CLVS2: variants seen among roughly 807,000 people sequenced by gnomAD.
CLVS2 encodes the protein clavesin 2.
A neutral mutation model predicts 29.0 loss-of-function variants in CLVS2; 19 were observed. The observed-to-expected ratio is 0.66, with a 90% CI of 0.46 to 0.96. The LOEUF (loss-of-function observed/expected upper bound fraction) is 0.96, where lower values mean the gene tolerates loss of function less well. Ranked by LOEUF, CLVS2 falls within the 40% of genes least tolerant of loss-of-function variation. CLVS2 has a pLI of 0.00. For synonymous variants in CLVS2, 161 were observed against 151.3 expected, an observed-to-expected ratio of 1.06 and a Z score of -0.47; for missense variants, 294 against 404.1, an observed-to-expected ratio of 0.73 and a Z score of 2.34.
intron 3 of CLVS2, among the ~76,000 whole-genome samples, chr6:123,012,499 TA>T (rs201411335): frequency 8.7e-5 from 13 of 148,898 alleles, no homozygotes; most frequent in South Asian, 4.3e-4. Flanking sequence ...CCCAAGAAAT[TA>T]AAAAAAAAAC....
chr6:123,044,106 G>C (rs1775273487), intron 3 of CLVS2, among the ~76,000 whole-genome samples: 1 of 152,146 alleles, frequency 6.6e-6, no homozygotes, highest in Non-Finnish European at 1.5e-5. Flanking sequence ...AGTGGAAGCA[G>C]GTGAATTGGC....
chr6:123,011,162 A>G lies in CLVS2; in HGVS notation c.564+3A>G. The G allele has an allele frequency of 6.4e-7, 1 of 1,552,472 alleles. No individual in the cohort carries two copies. The highest frequency in any genetic ancestry group is 8.7e-7 in the Non-Finnish European group (1 of 1,144,762). On this transcript the variant is annotated splice_donor_region_variant and intron_variant, in intron 3 of 5. Coordinates refer to ENST00000275162, the MANE Select transcript of CLVS2 (RefSeq NM_001010852.4). ...GATTAGCTATTGAAGGCCTGCAGGT[A>G]GGATATGGAAATTACCTACTTCCTT...
intron 2 of CLVS2, 78 bp downstream of exon 2, chr6:122,998,244 T>G (rs1251314983): frequency 2.1e-6 from 3 of 1,461,388 alleles, no homozygotes; most frequent in Non-Finnish European, 2.7e-6. Flanking sequence ...TGTCATGGTT[T>G]TGTAGATTTG....
chr6:123,015,953 A>G (rs931109831), intron 3 of CLVS2, among the ~76,000 whole-genome samples: 1 of 151,428 alleles, frequency 6.6e-6, no homozygotes, highest in African/African-American at 2.4e-5. Context: ...ATGTTTTCAA[A>G]TATGAAAGAC....
intron 4 of CLVS2, among the ~76,000 whole-genome samples, 193 bp downstream of exon 4, chr6:123,048,925 T>C (rs957603639): frequency 3.3e-5 from 5 of 152,188 alleles, no homozygotes; most frequent in Non-Finnish European, 7.4e-5. Flanking sequence ...ATTTAAAAGC[T>C]AGCTCTCCTA....
chr6:123,068,897 T>A lies in CLVS2; in HGVS notation c.*5136T>A, dbSNP rs1175523341. 1.3e-5 allele frequency: 2 copies of A among 151,706 alleles called. No homozygotes were observed. The highest frequency in any genetic ancestry group is 3.0e-5 in the Non-Finnish European group (2 of 67,734). 9.4% of individuals were successfully genotyped at this position (151,706 alleles called of 1,614,324 possible). A position where few individuals can be genotyped will look rare whatever the true frequency, so the allele number is the denominator to read the frequency against. On this transcript the variant is annotated 3_prime_UTR_variant, in exon 6 of 6. Coordinates refer to ENST00000275162, the MANE Select transcript of CLVS2 (RefSeq NM_001010852.4). ...ATATTTTATATTTTAAATGTATACA[T>A]TTATTTTGCACATTGTTAATGTTAA...
At chr6:123,017,552 C>T (rs186675341) in intron 3 of CLVS2, among the ~76,000 whole-genome samples, 1 of 152,166 alleles carries the variant, frequency 6.6e-6, no homozygotes, top group Non-Finnish European at 1.5e-5. Flanking sequence ...TGTGCTTCTT[C>T]TTAGTTGTTA....
chr6:122,998,490 T>G (rs1012677206), intron 2 of CLVS2, among the ~76,000 whole-genome samples: 1 of 152,188 alleles, frequency 6.6e-6, no homozygotes, highest in African/African-American at 2.4e-5. Context: ...AAAAAGTTTA[T>G]TGGGCTGGAT....
chr6:123,051,011 A>G (rs1404832250), intron 4 of CLVS2, among the ~76,000 whole-genome samples: 1 of 152,186 alleles, frequency 6.6e-6, no homozygotes, highest in African/African-American at 2.4e-5. Flanking sequence ...AAATTTTCAT[A>G]TGAGAAAATA....
At chr6:123,002,646 G>A (rs1422666681) in intron 2 of CLVS2, among the ~76,000 whole-genome samples, 1 of 151,362 alleles carries the variant, frequency 6.6e-6, no homozygotes, top group East Asian at 1.9e-4. Context: ...AAACAGTCCA[G>A]GGCAATTATC....
chr6:123,060,909 G>A (rs778635141), intron 5 of CLVS2, among the ~76,000 whole-genome samples: 1 of 152,226 alleles, frequency 6.6e-6, no homozygotes, highest in Admixed American at 6.5e-5. Context: ...TATTGTAGAT[G>A]CATGAGAAAT....
rs1772944381 is a variant in CLVS2 at position 123,071,287 on chromosome 6, G to T, written c.*7526G>T. On this transcript the variant is annotated 3_prime_UTR_variant, in exon 6 of 6. Coordinates refer to ENST00000275162, the MANE Select transcript of CLVS2 (RefSeq NM_001010852.4). Reference sequence around the variant, plus strand: ...TTGTTGTCTTAATTTAAAAAATTTTGTTATTTATCTTCAAAGGGGAAATTT... The same window carrying T: ...TTGTTGTCTTAATTTAAAAAATTTTTTTATTTATCTTCAAAGGGGAAATTT... The T allele has an allele frequency of 6.6e-6, 1 of 152,016 alleles. No individual in the cohort carries two copies. The highest frequency in any genetic ancestry group is 2.4e-5 in the African/African-American group (1 of 41,532). 9.4% of individuals were successfully genotyped at this position (152,016 alleles called of 1,614,324 possible).
At chr6:123,009,741 G>C (rs750354888) in intron 2 of CLVS2, among the ~76,000 whole-genome samples, 3 of 152,042 alleles carry the variant, frequency 2.0e-5, no homozygotes, top group Non-Finnish European at 4.4e-5. Context: ...AATTGAAATT[G>C]TTAACATCTT....
intron 5 of CLVS2, 117 bp from the exon 6 acceptor site, chr6:123,063,557 T>C: frequency 1.6e-6 from 1 of 615,006 alleles, no homozygotes; most frequent in Non-Finnish European, 2.9e-6. Context: ...CATAAATTTC[T>C]TGATATAGAG....
chr6:123,012,629 G>A (rs1304368494), intron 3 of CLVS2, among the ~76,000 whole-genome samples: 2 of 151,984 alleles, frequency 1.3e-5, no homozygotes, highest in African/African-American at 2.4e-5. Flanking sequence ...GAGCTTCCTT[G>A]TTAGCTGTAA....
chr6:123,043,775 A>G (rs1189514225), intron 3 of CLVS2, among the ~76,000 whole-genome samples: 1 of 152,168 alleles, frequency 6.6e-6, no homozygotes, highest in Admixed American at 6.5e-5. Context: ...TTTTCTTCAT[A>G]AATCAGACAA....
chr6:123,016,888 A>T (rs188230988), intron 3 of CLVS2, among the ~76,000 whole-genome samples: 1 of 152,072 alleles, frequency 6.6e-6, no homozygotes, highest in Non-Finnish European at 1.5e-5. Context: ...GCTGCTACAC[A>T]TTCTGGCTCT....
chr6:122,997,625 T>A lies in CLVS2; in HGVS notation c.-153T>A. ...GGGGAAAGCAGGAGCAACAGGGCACTTGATTGGACACCAAGATTATTAATT... is the reference window on the plus strand; with the variant it reads ...GGGGAAAGCAGGAGCAACAGGGCACATGATTGGACACCAAGATTATTAATT... On this transcript the variant is annotated 5_prime_UTR_variant, in exon 2 of 6. In the 5' UTR this introduces an upstream ATG that the reference lacks. Coordinates refer to ENST00000275162, the MANE Select transcript of CLVS2 (RefSeq NM_001010852.4). 246 of 627,598 alleles carry A rather than the reference T, an allele frequency of 3.9e-4. No homozygotes were observed. The highest frequency in any genetic ancestry group is 2.1e-3 in the Middle Eastern group (4 of 1,922). 38.9% of individuals were successfully genotyped at this position (627,598 alleles called of 1,614,324 possible). A position where few individuals can be genotyped will look rare whatever the true frequency, so the allele number is the denominator to read the frequency against.
At chr6:123,046,984 G>A (rs1311332086) in intron 3 of CLVS2, among the ~76,000 whole-genome samples, 1 of 152,138 alleles carries the variant, frequency 6.6e-6, no homozygotes, top group Non-Finnish European at 1.5e-5. Context: ...AGAATAGTGA[G>A]TGGTTGCCTG....
Sources: allele counts gnomAD v4.1 joint callset (sites outside exome capture counted in the v4.1 genomes callset), GRCh38; gene constraint gnomAD v4.1.1; transcripts MANE v1.5; gene names NCBI Gene and HGNC (gene_info 2026-07-23, HGNC 2026-07-21).